The following UBE2E3 variants were observed in gnomAD, a reference collection of about 807,000 sequenced individuals.
UBE2E3 encodes the protein ubiquitin conjugating enzyme E2 E3.
In UBE2E3, 5 loss-of-function variants were observed where a neutral mutation model predicts 23.6. That is an observed-to-expected ratio of 0.21 (90% CI 0.11 to 0.44). The LOEUF (loss-of-function observed/expected upper bound fraction) is 0.44, where lower values mean the gene tolerates loss of function less well. Ranked by LOEUF, UBE2E3 falls within the 20% of genes least tolerant of loss-of-function variation. UBE2E3 has a pLI of 0.99. For missense variants in UBE2E3, 81 were observed against 249.8 expected (o/e 0.32, Z 4.55); for synonymous variants, 78 against 87.5 (o/e 0.89, Z 0.60).
intron 3 of UBE2E3, among the ~76,000 whole-genome samples, chr2:181,023,938 T>C (rs1377789554): frequency 6.6e-6 from 1 of 152,156 alleles, no homozygotes; most frequent in African/African-American, 2.4e-5. Context: ...GTAGACTCTT[T>C]ATTTCTCCCT....
chr2:181,057,790 A>G lies in UBE2E3; in HGVS notation c.343A>G (p.Thr115Ala). Reference protein sequence around the residue: ...YEGGVFFLDITFSSDYPFKPP... With the variant: ...YEGGVFFLDIAFSSDYPFKPP... Reference sequence around the variant, plus strand: ...AGGTGGTGTGTTTTTTCTGGATATCACATTTTCATCAGATTATCCATTTAA... The same window carrying G: ...AGGTGGTGTGTTTTTTCTGGATATCGCATTTTCATCAGATTATCCATTTAA... Residue 115 changes from threonine (T) to alanine (A), a missense_variant, in exon 4 of 6, where the codon ACA becomes GCA. Thr to Ala is a moderately conservative substitution (Grantham distance 58). Transcript: ENST00000410062. 1 of 1,611,484 alleles carries G rather than the reference A, an allele frequency of 6.2e-7. No individual in the cohort carries two copies. Among genetic ancestry groups the G allele is most frequent in the Non-Finnish European group, 8.5e-7 (1 of 1,178,442 alleles).
At chr2:181,049,241 A>G (rs187722128) in intron 3 of UBE2E3, among the ~76,000 whole-genome samples, 5 of 152,220 alleles carry the variant, frequency 3.3e-5, no homozygotes, top group Admixed American at 2.0e-4. Flanking sequence ...CAAGGGATTT[A>G]AGTGTGAAAT....
At position 181,063,349 on chromosome 2, in the gene UBE2E3, G is replaced by A. The variant is rs1386421668; in HGVS notation, c.*461G>A. ...TACCTTTGTCAGTTTGTAATGAGAG[G>A]ATTTCCTTTTACCCTTTGTAGCTCA... On this transcript the variant is annotated 3_prime_UTR_variant, in exon 6 of 6. Coordinates refer to ENST00000410062, the MANE Select transcript of UBE2E3 (RefSeq NM_006357.4). The surrounding 1 kb of genome is among the most constrained non-coding windows in gnomAD (Gnocchi z 4.1). 6.6e-6 allele frequency: 1 copy of A among 152,058 alleles called. No homozygotes were observed. The highest frequency in any genetic ancestry group is 1.5e-5 in the Non-Finnish European group (1 of 67,790). The allele number at this position is 152,058 out of a possible 1,614,324, so 9.4% of individuals were successfully genotyped here.
Position 181,060,823 on chromosome 2 carries a change from CT to C in UBE2E3, c.526+14del. The C allele has an allele frequency of 8.9e-7, 1 of 1,124,122 alleles. No individual in the cohort carries two copies. 69.6% of individuals were successfully genotyped at this position (1,124,122 alleles called of 1,614,324 possible). On this transcript the variant is annotated intron_variant, in intron 5 of 5. Coordinates refer to ENST00000410062, the MANE Select transcript of UBE2E3 (RefSeq NM_006357.4). Reference sequence around the variant, plus strand: ...CAGACTGCAACCCTGGTAAGCAAATCTTTATTAACATGTACAATAAGACTAC... The same window carrying C: ...CAGACTGCAACCCTGGTAAGCAAATCTTATTAACATGTACAATAAGACTAC...
At chr2:181,014,813 A>T (rs1260794193) in intron 3 of UBE2E3, among the ~76,000 whole-genome samples, 1 of 152,134 alleles carries the variant, frequency 6.6e-6, no homozygotes, top group Non-Finnish European at 1.5e-5. Context: ...GATAATTGGG[A>T]TATCCATCAT....
intron 3 of UBE2E3, among the ~76,000 whole-genome samples, chr2:181,054,197 A>G (rs899498752): frequency 1.3e-5 from 2 of 151,882 alleles, no homozygotes; most frequent in East Asian, 3.9e-4. Flanking sequence ...TTTTCAGTTC[A>G]TTTGAGTAAA....
intron 3 of UBE2E3, among the ~76,000 whole-genome samples, chr2:181,054,775 G>A (rs531335770): frequency 1.4e-4 from 21 of 151,858 alleles, no homozygotes; most frequent in African/African-American, 4.3e-4. Flanking sequence ...ATTGGGAGCC[G>A]TAAAACTGCA....
intron 3 of UBE2E3, among the ~76,000 whole-genome samples, chr2:181,009,263 C>T (rs535975923): frequency 6.6e-6 from 1 of 152,044 alleles, no homozygotes. Flanking sequence ...CATTATAAAA[C>T]AAATAACTGA....
chr2:181,058,790 C>T (rs1018311291), intron 4 of UBE2E3, among the ~76,000 whole-genome samples: 2 of 151,726 alleles, frequency 1.3e-5, no homozygotes, highest in African/African-American at 4.8e-5. Context: ...TTCTCAGTAA[C>T]TTATTGTCTA....
At chr2:181,045,400 A>C (rs960026801) in intron 3 of UBE2E3, among the ~76,000 whole-genome samples, 2 of 152,226 alleles carry the variant, frequency 1.3e-5, no homozygotes, top group Non-Finnish European at 2.9e-5. Context: ...ATAGCTTCTT[A>C]CATCTTTCTG....
At chr2:181,001,149 A>G (rs1045452832) in intron 3 of UBE2E3, among the ~76,000 whole-genome samples, 1 of 152,236 alleles carries the variant, frequency 6.6e-6, no homozygotes, top group African/African-American at 2.4e-5. Flanking sequence ...CCACTACTTC[A>G]GAAGAATGCT....
At chr2:180,993,096 T>G (rs1016911473) in intron 3 of UBE2E3, among the ~76,000 whole-genome samples, 2 of 152,210 alleles carry the variant, frequency 1.3e-5, no homozygotes, top group Non-Finnish European at 2.9e-5. Flanking sequence ...TCTGTTGACA[T>G]TCTATCAGTT....
At chr2:181,060,520 A>G in intron 4 of UBE2E3, 145 bp from the exon 5 acceptor site, 2 of 927,060 alleles carry the variant, frequency 2.2e-6, no homozygotes, top group Non-Finnish European at 2.9e-6. Context: ...AAAGCATTTA[A>G]TTTTGTTATT....
intron 3 of UBE2E3, among the ~76,000 whole-genome samples, chr2:181,042,461 C>T (rs193210618): frequency 5.6e-4 from 86 of 152,282 alleles, no homozygotes; most frequent in African/African-American, 2.0e-3. Context: ...GGAAGTCCTT[C>T]TATTTATTAA....
chr2:181,005,997 G>A (rs1188853712), intron 3 of UBE2E3, among the ~76,000 whole-genome samples: 1 of 152,164 alleles, frequency 6.6e-6, no homozygotes, highest in Non-Finnish European at 1.5e-5. Flanking sequence ...GCCAAGAGCT[G>A]CTGATGTAAA....
intron 3 of UBE2E3, chr2:180,990,046 G>A: frequency 1.4e-6 from 2 of 1,408,206 alleles, no homozygotes; most frequent in Non-Finnish European, 1.9e-6. Flanking sequence ...TACCAATTTT[G>A]ACAGGTAAGT....
intron 3 of UBE2E3, chr2:180,989,954 T>C: frequency 6.5e-7 from 1 of 1,548,460 alleles, no homozygotes; most frequent in Non-Finnish European, 8.7e-7. Context: ...TTTCAGTCTC[T>C]TCTTCCCTAT....
At chr2:181,006,385 T>G (rs1202388059) in intron 3 of UBE2E3, among the ~76,000 whole-genome samples, 1 of 8,232 alleles carries the variant, frequency 1.2e-4, no homozygotes, top group East Asian at 0.014. Context: ...TGATTTCAGA[T>G]TTTTGTTGCC....
At chr2:181,003,640 T>G (rs907280163) in intron 3 of UBE2E3, among the ~76,000 whole-genome samples, 3 of 152,210 alleles carry the variant, frequency 2.0e-5, no homozygotes. Flanking sequence ...TTATAAAACT[T>G]TATAAAACAA....
Sources: allele counts gnomAD v4.1 joint callset (sites outside exome capture counted in the v4.1 genomes callset), GRCh38; gene constraint gnomAD v4.1.1; non-coding constraint Gnocchi (gnomAD v3.1); transcripts MANE v1.5; gene names NCBI Gene and HGNC (gene_info 2026-07-23, HGNC 2026-07-21).